Variants in NEGR1 observed in about 807,000 individuals in gnomAD.
The protein encoded by NEGR1 is neuronal growth regulator 1, also known as IgLON family member 4.
In NEGR1, 10 loss-of-function variants were observed where a neutral mutation model predicts 40.9. The observed-to-expected ratio is 0.24, with a 90% CI of 0.15 to 0.42. The LOEUF is 0.42. Among genes scored for constraint, NEGR1 ranks in the 10% least tolerant of loss-of-function variants. The pLI, the probability that NEGR1 is intolerant of heterozygous loss-of-function variation, is 1.00. For missense variants in NEGR1, 352 were observed against 438.9 expected (o/e 0.80, Z 1.77); for synonymous variants, 185 against 166.8 (o/e 1.11, Z -0.84).
chr1:71,536,214 T>C (rs1403078366), intron 6 of NEGR1, among the ~76,000 whole-genome samples: 1 of 151,706 alleles, frequency 6.6e-6, no homozygotes, highest in Non-Finnish European at 1.5e-5. Flanking sequence ...ATATTGTGTT[T>C]TAGGGTAATT....
At chr1:71,728,387 C>T (rs991009451) in intron 3 of NEGR1, among the ~76,000 whole-genome samples, 1 of 152,116 alleles carries the variant, frequency 6.6e-6, no homozygotes, top group Non-Finnish European at 1.5e-5. Flanking sequence ...ACCTTCCTTG[C>T]TACTGAGAAA....
intron 6 of NEGR1, among the ~76,000 whole-genome samples, chr1:71,540,299 C>T (rs985837430): frequency 1.3e-5 from 2 of 151,736 alleles, no homozygotes; most frequent in African/African-American, 2.4e-5. Context: ...AAGGATACAA[C>T]AAGAATCCAA....
chr1:72,257,990 T>A (rs1289216695), intron 1 of NEGR1, among the ~76,000 whole-genome samples: 1 of 152,124 alleles, frequency 6.6e-6, no homozygotes, highest in Non-Finnish European at 1.5e-5. Context: ...GTGTGAAGTG[T>A]CCTAAGTTGA....
At chr1:71,429,116 GT>G (rs1215508125) in intron 6 of NEGR1, among the ~76,000 whole-genome samples, 5 of 151,966 alleles carry the variant, frequency 3.3e-5, no homozygotes, top group Admixed American at 6.5e-5. Context: ...TAACTTTAGA[GT>G]TTTTTTTAAT....
intron 2 of NEGR1, among the ~76,000 whole-genome samples, chr1:71,928,025 A>ACACACAC (rs1557438015): frequency 2.5e-5 from 2 of 79,138 alleles, no homozygotes; most frequent in African/African-American, 1.0e-4. Flanking sequence ...TAAATAAATA[A>ACACACAC]ATACACACAC....
At chr1:71,730,163 T>C (rs1485629319) in intron 3 of NEGR1, among the ~76,000 whole-genome samples, 18 of 152,162 alleles carry the variant, frequency 1.2e-4, no homozygotes. Flanking sequence ...AGTCATTAGT[T>C]GGAAAGATAA....
intron 2 of NEGR1, among the ~76,000 whole-genome samples, chr1:71,808,043 TGA>T (rs1214889336): frequency 6.6e-6 from 1 of 152,118 alleles, no homozygotes; most frequent in Non-Finnish European, 1.5e-5. Context: ...ATAACTGAAA[TGA>T]GAGGAAAATA....
chr1:71,652,374 C>A (rs1421627492), intron 4 of NEGR1, among the ~76,000 whole-genome samples: 2 of 151,990 alleles, frequency 1.3e-5, no homozygotes, highest in Non-Finnish European at 2.9e-5. Context: ...TAATTCCAGT[C>A]TTTTTTCTCA....
At chr1:72,282,024 A>T (rs1656273278) in intron 1 of NEGR1, among the ~76,000 whole-genome samples, 1 of 152,134 alleles carries the variant, frequency 6.6e-6, no homozygotes, top group African/African-American at 2.4e-5. Flanking sequence ...GACCTTGTGC[A>T]TTGAGTTTCA....
chr1:71,763,425 GA>G (rs1656015569), intron 3 of NEGR1, among the ~76,000 whole-genome samples: 1 of 152,134 alleles, frequency 6.6e-6, no homozygotes, highest in Non-Finnish European at 1.5e-5. Context: ...AAGAGTACAT[GA>G]AAACTCTTTG....
chr1:71,751,132 A>G (rs1468945416), intron 3 of NEGR1, among the ~76,000 whole-genome samples: 1 of 151,354 alleles, frequency 6.6e-6, no homozygotes, highest in Admixed American at 6.6e-5. Flanking sequence ...TTAGCCTGAT[A>G]TTACACAGAG....
At chr1:71,793,110 A>G (rs1229693346) in intron 2 of NEGR1, among the ~76,000 whole-genome samples, 2 of 148,712 alleles carry the variant, frequency 1.3e-5, no homozygotes, top group Non-Finnish European at 3.0e-5. Context: ...TGAAGATGGC[A>G]TAAATGAAAA....
intron 1 of NEGR1, among the ~76,000 whole-genome samples, chr1:72,191,777 G>A (rs1467595296): frequency 6.6e-6 from 1 of 151,162 alleles, no homozygotes; most frequent in Non-Finnish European, 1.5e-5. Flanking sequence ...GTAACCTTTT[G>A]TAAGGCCATT....
intron 1 of NEGR1, among the ~76,000 whole-genome samples, chr1:71,992,901 T>C (rs919153935): frequency 6.6e-6 from 1 of 152,208 alleles, no homozygotes; most frequent in Non-Finnish European, 1.5e-5. Flanking sequence ...AGAATTAACC[T>C]TGATAGACGT....
chr1:71,794,991 A>G (rs1657268730), intron 2 of NEGR1, among the ~76,000 whole-genome samples: 2 of 152,118 alleles, frequency 1.3e-5, no homozygotes, highest in Admixed American at 1.3e-4. Flanking sequence ...TTACTTGACA[A>G]GAAGTGCACC....
intron 3 of NEGR1, among the ~76,000 whole-genome samples, chr1:71,711,115 A>G (rs907951814): frequency 6.6e-6 from 1 of 151,936 alleles, no homozygotes; most frequent in African/African-American, 2.4e-5. Context: ...AGGCGGGCAG[A>G]TCACGAGGTC....
chr1:71,596,865 A>G (rs1460247543), intron 5 of NEGR1, among the ~76,000 whole-genome samples: 2 of 152,210 alleles, frequency 1.3e-5, no homozygotes, highest in Non-Finnish European at 2.9e-5. Context: ...AAATATTAGA[A>G]TAACTTGGAA....
chr1:71,669,338 A>G (rs1459314792), intron 4 of NEGR1, among the ~76,000 whole-genome samples: 1 of 152,026 alleles, frequency 6.6e-6, no homozygotes, highest in Non-Finnish European at 1.5e-5. Flanking sequence ...ATATAATAAA[A>G]TGTTTGGGTA....
intron 5 of NEGR1, among the ~76,000 whole-genome samples, chr1:71,606,799 T>G (rs1650089839): frequency 6.6e-6 from 1 of 152,140 alleles, no homozygotes; most frequent in African/African-American, 2.4e-5. Flanking sequence ...CTTTAAATTG[T>G]GCTTAATTTT....
Sources: allele counts gnomAD v4.1 joint callset (sites outside exome capture counted in the v4.1 genomes callset), GRCh38; gene constraint gnomAD v4.1.1; transcripts MANE v1.5; gene names NCBI Gene and HGNC (gene_info 2026-07-23, HGNC 2026-07-21).